The following BIN1 variants were observed in gnomAD, a reference collection of about 807,000 sequenced individuals.
BIN1 encodes myc box-dependent-interacting protein 1.
Under a neutral mutation model 82.0 loss-of-function variants are expected in BIN1, and 53 were observed. The observed-to-expected ratio is 0.65, with a 90% CI of 0.52 to 0.81. BIN1 has a LOEUF of 0.81. BIN1 is among the 40% of genes least tolerant of loss of function. The probability of loss-of-function intolerance (pLI) is 0.00; values close to 1 mark genes in which losing one functional copy is unlikely to be tolerated. For missense variants in BIN1, 642 were observed against 784.4 expected (o/e 0.82, Z 2.17); for synonymous variants, 302 against 328.0 (o/e 0.92, Z 0.86).
At chr2:127,099,248 T>C (rs1679980822) in intron 1 of BIN1, among the ~76,000 whole-genome samples, 1 of 152,076 alleles carries the variant, frequency 6.6e-6, no homozygotes, top group East Asian at 1.9e-4. Context: ...TGAGATGCCT[T>C]GGTGACCACA....
chr2:127,052,119 A>T lies in BIN1; in HGVS notation c.1371+136T>A, dbSNP rs1171610447. Reference sequence around the variant, plus strand: ...TGACAAGCCCGTGCTGGGGCAGCCTAGCTCAGGACCCTGTCCTCACCCTCA... The same window carrying T: ...TGACAAGCCCGTGCTGGGGCAGCCTTGCTCAGGACCCTGTCCTCACCCTCA... On this transcript the variant is annotated intron_variant, in intron 15 of 18. Coordinates refer to ENST00000316724, the MANE Select transcript of BIN1 (RefSeq NM_139343.3). The T allele has an allele frequency of 3.8e-5, 37 of 974,852 alleles. 1 individual carries two copies. The highest frequency in any genetic ancestry group is 4.9e-5 in the Non-Finnish European group (31 of 636,470). 60.4% of individuals were successfully genotyped at this position (974,852 alleles called of 1,614,324 possible).
At chr2:127,078,890 C>A (rs891711277) in intron 1 of BIN1, among the ~76,000 whole-genome samples, 1 of 151,334 alleles carries the variant, frequency 6.6e-6, no homozygotes, top group African/African-American at 2.4e-5. Flanking sequence ...GAATAGACCA[C>A]CACATAGAAA....
chr2:127,050,505 G>A lies in BIN1; in HGVS notation c.1590C>T (p.Asp530=). The change falls in exon 18 of 19, where the codon GAC becomes GAT. Residue 530 remains aspartate (D), a synonymous_variant. Transcript: ENST00000316724. ...GCTCGTCTGTGTCAGTGGCCGTGTA[G>A]TCGTGCTGGGCCTGTACCTGCAGAG... ...GFMFKVQAQH[D]YTATDTDELQ... is the part of the protein sequence containing the mutation. 6.2e-7 allele frequency: 1 copy of A among 1,614,254 alleles called. No individual in the cohort carries two copies. The highest frequency in any genetic ancestry group is 8.5e-7 in the Non-Finnish European group (1 of 1,180,050).
chr2:127,105,748 C>T (rs1470700871), intron 1 of BIN1, among the ~76,000 whole-genome samples: 1 of 152,188 alleles, frequency 6.6e-6, no homozygotes. Flanking sequence ...TAAACAGCCA[C>T]CAGGCCTGGC....
At chr2:127,083,074 TTTTC>T (rs892605640) in intron 1 of BIN1, among the ~76,000 whole-genome samples, 1 of 144,082 alleles carries the variant, frequency 6.9e-6, no homozygotes, top group African/African-American at 2.5e-5. Context: ...TCATTTGCTT[TTTTC>T]TTTTTTTTTT....
At chr2:127,060,615 G>A (rs370505438) in intron 10 of BIN1, 13 of 1,614,228 alleles carry the variant, frequency 8.1e-6, no homozygotes, top group Middle Eastern at 1.6e-4. Context: ...TTTCTGCGCA[G>A]CCGCGAAAAC....
intron 15 of BIN1, among the ~76,000 whole-genome samples, chr2:127,051,570 G>T (rs916382079): frequency 3.3e-5 from 5 of 152,072 alleles, no homozygotes; most frequent in African/African-American, 9.7e-5. Flanking sequence ...CCAAGACCTC[G>T]CCCAGCCACA....
intron 2 of BIN1, among the ~76,000 whole-genome samples, chr2:127,071,957 T>C (rs994718239): frequency 3.9e-5 from 6 of 152,152 alleles, no homozygotes; most frequent in African/African-American, 1.2e-4. Flanking sequence ...GAGAGGGGAC[T>C]CGGGAGAGCG....
intron 10 of BIN1, among the ~76,000 whole-genome samples, chr2:127,060,916 C>T (rs998933062): frequency 4.6e-5 from 7 of 152,304 alleles, no homozygotes; most frequent in Admixed American, 3.3e-4. Context: ...CCTGTGGTCC[C>T]AGTCCCCAGG....
Position 127,048,650 on chromosome 2 carries a change from C to A in BIN1, c.1675-17G>T. On this transcript the variant is annotated splice_polypyrimidine_tract_variant and intron_variant, in intron 18 of 18. Coordinates refer to ENST00000316724, the MANE Select transcript of BIN1 (RefSeq NM_139343.3). ...GCCTTCATCCTGAGGGGCAGAGCAC[C>A]AGGTCGCACAGGGATGAGCAAGGGG... 1 of 1,610,934 alleles carries A rather than the reference C, an allele frequency of 6.2e-7. No homozygotes were observed. The highest frequency in any genetic ancestry group is 1.7e-5 in the Admixed American group (1 of 60,010).
At position 127,082,613 on chromosome 2, in the gene BIN1, C is replaced by T. The variant is rs187970095; in HGVS notation, c.85-5907G>A. On this transcript the variant is annotated intron_variant, in intron 1 of 18. Coordinates refer to ENST00000316724, the MANE Select transcript of BIN1 (RefSeq NM_139343.3). This position sits in a 1 kb window ranked among gnomAD's most constrained non-coding sequence, Gnocchi z 6.1. ...AGGGGTACAATGGGAGTCTTAAACC[C>T]CCAGGGGCAGAGGGAGCCAGTCTGA... 7.9e-5 allele frequency among the ~76,000 whole-genome samples: 12 copies of T among 152,296 alleles called. No individual in the cohort carries two copies. The East Asian group carries it at 1.5e-3, about 20-fold the overall frequency.
chr2:127,101,374 G>A (rs1033302541), intron 1 of BIN1, among the ~76,000 whole-genome samples: 2 of 152,146 alleles, frequency 1.3e-5, no homozygotes, highest in African/African-American at 2.4e-5. Flanking sequence ...CAATCCACTT[G>A]CTGTGTGAGC....
intron 16 of BIN1, 69 bp downstream of exon 16, chr2:127,051,085 C>A (rs1222575267): frequency 6.3e-7 from 1 of 1,595,846 alleles, no homozygotes; most frequent in Non-Finnish European, 8.6e-7. Context: ...GCAGGGGCCA[C>A]AGGGGAGCCC....
rs1558821747 is a variant in BIN1 at position 127,064,020 on chromosome 2, T to TG, written c.613-3dup. On this transcript the variant is annotated splice_region_variant and splice_polypyrimidine_tract_variant and intron_variant, in intron 7 of 18. Transcript: ENST00000316724. ...GGCTTTGATGAGCTCCTCCTCGGCC[T>TG]GGGGGGCAGCACGGGTCATTCCCCT... The TG allele has an allele frequency of 6.2e-7, 1 of 1,613,770 alleles. No homozygotes were observed. The highest frequency in any genetic ancestry group is 8.5e-7 in the Non-Finnish European group (1 of 1,179,968).
intron 1 of BIN1, among the ~76,000 whole-genome samples, chr2:127,106,301 C>G (rs528325764): frequency 9.2e-5 from 14 of 152,250 alleles, no homozygotes; most frequent in African/African-American, 1.4e-4. Context: ...GAAAGGAAAC[C>G]CAATCCCTCC....
At chr2:127,098,607 G>A (rs1008696723) in intron 1 of BIN1, among the ~76,000 whole-genome samples, 10 of 151,438 alleles carry the variant, frequency 6.6e-5, no homozygotes, top group Non-Finnish European at 4.4e-5. Flanking sequence ...ACCTGCTGTC[G>A]CACTTGGGAT....
intron 2 of BIN1, among the ~76,000 whole-genome samples, chr2:127,075,402 C>T (rs10205304): frequency 0.019 from 2,889 of 152,264 alleles, 102 homozygotes; most frequent in African/African-American, 0.067. Context: ...GACCAGGTTT[C>T]TTGTTCAAGC....
rs368606811 is a variant in BIN1 at position 127,060,667 on chromosome 2, C to G, written c.857+1448G>C. On this transcript the variant is annotated intron_variant, in intron 10 of 18. Coordinates refer to ENST00000316724, the MANE Select transcript of BIN1 (RefSeq NM_139343.3). The stretch of plus-strand genomic sequence containing the variant: ...TGTGGGGACGGACGGGAGGTGGAGG[C>G]CTTCATTCTGGAGAAAGGCCAGGTG... 4.0e-5 allele frequency: 65 copies of G among 1,613,946 alleles called. No homozygotes were observed. In the African/African-American group the frequency reaches 8.1e-4, roughly 20 times the overall value.
intron 1 of BIN1, chr2:127,081,769 A>G (rs988303660): frequency 7.8e-7 from 1 of 1,277,588 alleles, no homozygotes; most frequent in Non-Finnish European, 1.0e-6. Context: ...CATCCAGCAA[A>G]TCTCCCTCCC....
Sources: allele counts gnomAD v4.1 joint callset (sites outside exome capture counted in the v4.1 genomes callset), GRCh38; gene constraint gnomAD v4.1.1; non-coding constraint Gnocchi (gnomAD v3.1); transcripts MANE v1.5; gene names NCBI Gene and HGNC (gene_info 2026-07-23, HGNC 2026-07-21).